HSF2BP: variants seen among roughly 807,000 people sequenced by gnomAD.
The protein encoded by HSF2BP is heat shock factor 2-binding protein.
Under a neutral mutation model 35.0 loss-of-function variants are expected in HSF2BP, and 35 were observed. The observed-to-expected ratio is 1.00, with a 90% CI of 0.76 to 1.32. The LOEUF (loss-of-function observed/expected upper bound fraction) is 1.32, where lower values mean the gene tolerates loss of function less well. HSF2BP is among the 40% of genes most tolerant of loss of function. HSF2BP has a pLI of 0.00. For synonymous variants in HSF2BP, 114 were observed against 117.4 expected, an observed-to-expected ratio of 0.97 and a Z score of 0.18; for missense variants, 326 against 321.7, an observed-to-expected ratio of 1.01 and a Z score of -0.10.
At chr21:43,598,315 C>T (rs1335465536) in intron 7 of HSF2BP, among the ~76,000 whole-genome samples, 1 of 152,062 alleles carries the variant, frequency 6.6e-6, no homozygotes, top group Non-Finnish European at 1.5e-5. Flanking sequence ...AGCAATTCTC[C>T]TGCCTCAGCC....
the HSF2BP span, among the ~76,000 whole-genome samples, chr21:43,496,039 A>ACG: frequency 3.0e-5 from 4 of 132,660 alleles, 1 homozygote; most frequent in Admixed American, 2.2e-4. Context: ...ACACACACAC[A>ACG]CACGCACACA....
chr21:43,642,088 G>A, intron 4 of HSF2BP, among the ~76,000 whole-genome samples: 1 of 152,074 alleles, frequency 6.6e-6, no homozygotes, highest in Non-Finnish European at 1.5e-5. Context: ...CTTGAGCCCA[G>A]GAGTTGAAGA....
Position 43,594,980 on chromosome 21 carries a change from G to T in HSF2BP, c.693-2652C>A, listed in dbSNP as rs1248600163. 2.0e-5 allele frequency among the ~76,000 whole-genome samples: 3 copies of T among 152,192 alleles called. No individual in the cohort carries two copies. In the East Asian group the frequency reaches 5.8e-4, roughly 29 times the overall value. On this transcript the variant is annotated intron_variant, in intron 7 of 8. Coordinates refer to ENST00000291560, the MANE Select transcript of HSF2BP (RefSeq NM_007031.2). Reference sequence around the variant, plus strand: ...CTGAAACAAAAGTTTCCAGAAAGGGGCCAGGAGTGGTGGCTCACACCTGTA... The same window carrying T: ...CTGAAACAAAAGTTTCCAGAAAGGGTCCAGGAGTGGTGGCTCACACCTGTA...
At chr21:43,604,505 CACACACTAT>C (rs1201520304) in intron 7 of HSF2BP, among the ~76,000 whole-genome samples, 2 of 141,638 alleles carry the variant, frequency 1.4e-5, no homozygotes, top group Admixed American at 7.0e-5. Context: ...CCACACACTA[CACACACTAT>C]ACACACCCCA....
intron 7 of HSF2BP, among the ~76,000 whole-genome samples, chr21:43,594,335 T>C (rs1344475814): frequency 6.6e-6 from 1 of 152,084 alleles, no homozygotes; most frequent in African/African-American, 2.4e-5. Flanking sequence ...AAGTAAACAC[T>C]GGGGGGTAAA....
intron 4 of HSF2BP, among the ~76,000 whole-genome samples, chr21:43,642,413 G>C (rs114648029): frequency 6.6e-6 from 1 of 152,122 alleles, no homozygotes; most frequent in Non-Finnish European, 1.5e-5. Context: ...CTCATGATCC[G>C]TACAGGCCTC....
chr21:43,592,265 C>T lies in HSF2BP; in HGVS notation c.756G>A (p.Glu252=). 7 of 1,613,926 alleles carry T rather than the reference C, an allele frequency of 4.3e-6. No homozygotes were observed. Among genetic ancestry groups the T allele is most frequent in the Non-Finnish European group, 5.9e-6 (7 of 1,179,882 alleles). The change falls in exon 8 of 9, where the codon GAG becomes GAA. Residue 252 remains glutamate, a synonymous_variant. Transcript: ENST00000291560. The part of the protein sequence containing the change: ...INLKGLKYIS[E]SPGFIPLLWW... ...ACAGCAAAGGGATGAATCCTGGACT[C>T]TCGCTGATGTATTTCAAGCCTTTCA... is the stretch of plus-strand genomic sequence containing the variant.
chr21:43,618,343 T>G (rs1326182309), intron 6 of HSF2BP, among the ~76,000 whole-genome samples: 1 of 152,196 alleles, frequency 6.6e-6, no homozygotes, highest in Non-Finnish European at 1.5e-5. Context: ...TACTTTTGCT[T>G]TAGACTGTAA....
At chr21:43,617,541 C>G (rs543873267) in intron 6 of HSF2BP, among the ~76,000 whole-genome samples, 1 of 150,628 alleles carries the variant, frequency 6.6e-6, no homozygotes, top group Admixed American at 6.6e-5. Context: ...GACTTTGTTA[C>G]CATCTACCAA....
At chr21:43,630,728 CAAAATGTAAT>C (rs2082445304) in intron 5 of HSF2BP, among the ~76,000 whole-genome samples, 3 of 151,752 alleles carry the variant, frequency 2.0e-5, no homozygotes, top group Admixed American at 2.0e-4. Flanking sequence ...AGAATTCACT[CAAAATGTAAT>C]AAAAATATAC....
In HSF2BP at chr21:43,658,270, C is replaced by A; in HGVS notation, c.-174G>T. 1 of 710,770 alleles carries A rather than the reference C, an allele frequency of 1.4e-6. No homozygotes were observed. Among genetic ancestry groups the A allele is most frequent in the Non-Finnish European group, 2.2e-6 (1 of 450,848 alleles). The allele number at this position is 710,770 out of a possible 1,614,324, so 44.0% of individuals were successfully genotyped here. A position where few individuals can be genotyped will look rare whatever the true frequency, so the allele number is the denominator to read the frequency against. On this transcript the variant is annotated 5_prime_UTR_variant, in exon 2 of 9. Transcript: ENST00000291560. ...CCTAGAGAGCGAGGAGTGGCCTTGG[C>A]GAGGTCCCTCTTTGGCTCTTCTGGC...
At chr21:43,582,335 T>C (rs1288628156) in intron 8 of HSF2BP, among the ~76,000 whole-genome samples, 3 of 107,294 alleles carry the variant, frequency 2.8e-5, no homozygotes, top group Non-Finnish European at 5.3e-5. Flanking sequence ...TTGCGGGAGA[T>C]GAGGGCCGGC....
intron 8 of HSF2BP, among the ~76,000 whole-genome samples, chr21:43,588,744 T>C (rs17180105): frequency 0.018 from 2,713 of 152,304 alleles, 45 homozygotes; most frequent in Non-Finnish European, 0.026. Context: ...ACTGACACTG[T>C]CCGCTTGCTC....
intron 7 of HSF2BP, among the ~76,000 whole-genome samples, chr21:43,610,149 G>A (rs918227063): frequency 6.6e-6 from 1 of 152,036 alleles, no homozygotes; most frequent in African/African-American, 2.4e-5. Flanking sequence ...CAGCCCAACA[G>A]GAAAGTGGGC....
intron 8 of HSF2BP, among the ~76,000 whole-genome samples, chr21:43,578,110 G>A (rs1475886343): frequency 6.6e-6 from 1 of 152,170 alleles, no homozygotes; most frequent in Non-Finnish European, 1.5e-5. Context: ...TCACACGAAC[G>A]TGCGTCACAT....
intron 4 of HSF2BP, among the ~76,000 whole-genome samples, chr21:43,637,315 A>G (rs1038477739): frequency 1.3e-5 from 2 of 152,162 alleles, no homozygotes; most frequent in African/African-American, 4.8e-5. Context: ...CATATTATAC[A>G]CATATTATAT....
At chr21:43,646,016 T>C (rs993918400) in intron 3 of HSF2BP, among the ~76,000 whole-genome samples, 1 of 151,992 alleles carries the variant, frequency 6.6e-6, no homozygotes, top group African/African-American at 2.4e-5. Flanking sequence ...AAGCTTCTCA[T>C]AAAATGCGTT....
rs557734689 is a variant in HSF2BP, at chr21:43,584,995, A to ATTATTTATTTATTTATTTATTTAT, written c.796+7206_796+7229dup. ...CATGCTCTAGGTATAATTTTATTTA[A>ATTATTTATTTATTTATTTATTTAT]TTATTTATTTATTTATTTATTTATT... On this transcript the variant is annotated intron_variant, in intron 8 of 8. Coordinates refer to ENST00000291560, the MANE Select transcript of HSF2BP (RefSeq NM_007031.2). Among the ~76,000 whole-genome samples, 622 of 151,586 alleles carry ATTATTTATTTATTTATTTATTTAT rather than the reference A, an allele frequency of 4.1e-3. 4 individuals are homozygous for ATTATTTATTTATTTATTTATTTAT. Among genetic ancestry groups the ATTATTTATTTATTTATTTATTTAT allele is most frequent in the African/African-American group, 0.014 (594 of 41,174 alleles).
intron 8 of HSF2BP, among the ~76,000 whole-genome samples, chr21:43,583,648 GA>G (rs199886287): frequency 1.1e-4 from 15 of 137,588 alleles, no homozygotes; most frequent in South Asian, 2.5e-4. Flanking sequence ...TGAGGGAGAT[GA>G]AGGACCTGCT....
Sources: gnomAD v4.1 joint callset for allele counts (sites outside exome capture counted in the v4.1 genomes callset) on GRCh38, gnomAD v4.1.1 for gene constraint, MANE v1.5 for transcripts, NCBI Gene and HGNC (gene_info 2026-07-23, HGNC 2026-07-21) for gene names.